Variants in PLEKHG1 observed in about 807,000 individuals in gnomAD.
PLEKHG1 encodes pleckstrin homology domain-containing family G member 1.
In PLEKHG1, 44 loss-of-function variants were observed where a neutral mutation model predicts 100.8. The ratio of observed to expected loss-of-function variants is 0.44; its 90% CI spans 0.34 to 0.56. PLEKHG1 has a LOEUF of 0.56. PLEKHG1 is among the 20% of genes least tolerant of loss of function. PLEKHG1 has a pLI of 0.01. For missense variants in PLEKHG1, 1,545 were observed against 1,720.9 expected, an observed-to-expected ratio of 0.90 and a Z score of 1.81; for synonymous variants, 640 against 662.5, an observed-to-expected ratio of 0.97 and a Z score of 0.52.
At position 150,698,337 on chromosome 6, in the gene PLEKHG1, G is replaced by T. The variant is rs111818611; in HGVS notation, c.-98-35247G>T. Among the ~76,000 whole-genome samples the T allele has an allele frequency of 1.0e-3, 158 of 152,216 alleles. 2 individuals are homozygous for T. Among genetic ancestry groups the T allele is most frequent in the African/African-American group, 3.5e-3 (144 of 41,530 alleles). On this transcript the variant is annotated intron_variant, in intron 3 of 3. Coordinates refer to the PLEKHG1 transcript ENST00000367326. ...TGGATTTTGGAGCATTTTGGATTTT[G>T]GACTTTTGGATTAGGGACGCTCAAG...
chr6:150,804,596 CT>C lies in PLEKHG1; in HGVS notation c.781-8del. On this transcript the variant is annotated splice_polypyrimidine_tract_variant and intron_variant, in intron 6 of 15. Coordinates refer to ENST00000358517, the Ensembl canonical transcript of PLEKHG1. ...AATGAAAAAAAAAAAAACCCTCGTT[CT>C]TTTTTGTTTAAGGAAATAGAAAACC... 6.7e-7 allele frequency: 1 copy of C among 1,494,678 alleles called. No individual in the cohort carries two copies. The highest frequency in any genetic ancestry group is 9.0e-7 in the Non-Finnish European group (1 of 1,110,094). The allele number at this position is 1,494,678 out of a possible 1,614,324, so 92.6% of individuals were successfully genotyped here.
chr6:150,829,768 A>C (rs1776807246), intron 14 of PLEKHG1, among the ~76,000 whole-genome samples: 1 of 152,228 alleles, frequency 6.6e-6, no homozygotes, highest in Non-Finnish European at 1.5e-5. Flanking sequence ...TCCTACAATA[A>C]AAACTCTTTG....
chr6:150,689,678 C>T (rs532396235), intron 3 of PLEKHG1, among the ~76,000 whole-genome samples: 1 of 152,002 alleles, frequency 6.6e-6, no homozygotes, highest in Admixed American at 6.6e-5. Flanking sequence ...GCCTGACCAA[C>T]ATGGTGGTCT....
intron 2 of PLEKHG1, among the ~76,000 whole-genome samples, chr6:150,749,658 G>A (rs150325977): frequency 6.6e-6 from 1 of 152,292 alleles, no homozygotes; most frequent in African/African-American, 2.4e-5. Flanking sequence ...AGTAGGAGCT[G>A]GCTCTGAAGT....
intron 12 of PLEKHG1, 41 bp downstream of exon 13, chr6:150,819,815 G>A (rs1776195842): frequency 4.5e-6 from 5 of 1,103,250 alleles, no homozygotes; most frequent in Middle Eastern, 2.0e-4. Flanking sequence ...TCTAATGGGG[G>A]ACTGGCAATG....
chr6:150,801,804 G>A (rs924214036), intron 6 of PLEKHG1, among the ~76,000 whole-genome samples: 3 of 151,964 alleles, frequency 2.0e-5, no homozygotes, highest in Non-Finnish European at 4.4e-5. Flanking sequence ...ATTACCGCAA[G>A]TAATTTTCAT....
chr6:150,739,197 C>T (rs969362743), intron 2 of PLEKHG1, among the ~76,000 whole-genome samples: 1 of 152,116 alleles, frequency 6.6e-6, no homozygotes, highest in African/African-American at 2.4e-5. Flanking sequence ...TACAGAATGG[C>T]ATCGTTGAGC....
chr6:150,722,133 G>A (rs369517684), intron 1 of PLEKHG1, among the ~76,000 whole-genome samples: 12 of 151,874 alleles, frequency 7.9e-5, no homozygotes, highest in Non-Finnish European at 1.3e-4. Flanking sequence ...TAAAGAAGCC[G>A]CATTTTAAAT....
intron 1 of PLEKHG1, among the ~76,000 whole-genome samples, chr6:150,628,576 A>ACACACACAC (rs1317085737): frequency 1.9e-5 from 2 of 108,098 alleles, no homozygotes; most frequent in African/African-American, 3.4e-5. Flanking sequence ...ACACACACAC[A>ACACACACAC]CCCCGTCCTT....
chr6:150,648,852 T>A (rs1778601011), intron 2 of PLEKHG1, among the ~76,000 whole-genome samples: 1 of 152,214 alleles, frequency 6.6e-6, no homozygotes, highest in African/African-American at 2.4e-5. Context: ...AATGAAATGT[T>A]TGAATTTATT....
At chr6:150,842,589 C>T (rs1777572488) in exon 16 of PLEKHG1, 1 of 152,088 alleles carries the variant, frequency 6.6e-6, no homozygotes, top group Non-Finnish European at 1.5e-5. Context: ...AAAGAAAGTC[C>T]ACATTGAATA....
intron 3 of PLEKHG1, among the ~76,000 whole-genome samples, chr6:150,665,770 C>T (rs1050264434): frequency 2.0e-5 from 3 of 151,618 alleles, no homozygotes; most frequent in Non-Finnish European, 2.9e-5. Context: ...ACTATAGAAT[C>T]AGTGGTAAAA....
intron 13 of PLEKHG1, 23 bp from the exon 15 acceptor site, chr6:150,823,631 G>C: frequency 6.4e-7 from 1 of 1,565,274 alleles, no homozygotes; most frequent in Admixed American, 1.7e-5. Context: ...TCTCAAACTT[G>C]AAAAAAAACT....
intron 2 of PLEKHG1, among the ~76,000 whole-genome samples, chr6:150,748,397 A>G (rs1783282772): frequency 6.8e-6 from 1 of 146,510 alleles, no homozygotes; most frequent in Non-Finnish European, 1.5e-5. Flanking sequence ...ATTCTGAAAG[A>G]GTAAGGAGTG....
chr6:150,699,135 G>A (rs926427939), intron 3 of PLEKHG1, among the ~76,000 whole-genome samples: 1 of 152,196 alleles, frequency 6.6e-6, no homozygotes, highest in Non-Finnish European at 1.5e-5. Flanking sequence ...TATACTACAG[G>A]TATGCAAGAT....
rs775538896 is a variant in PLEKHG1, at chr6:150,840,834, C to T, written c.4096C>T (p.Gln1366Ter). 2 of 1,614,112 alleles carry T rather than the reference C, an allele frequency of 1.2e-6. No homozygotes were observed. The highest frequency in any genetic ancestry group is 1.7e-6 in the Non-Finnish European group (2 of 1,180,002). ...TTGGAGGGGGCCATCTCCCAATCAA[C>T]AAAATATTGTCCAGTCTCTAAGGGA... The change falls in exon 16 of 16, where the codon CAA becomes TAA. Residue 1366 changes from glutamine to a stop codon, truncating the protein, a stop_gained. Transcript: ENST00000358517. LOFTEE classifies it high-confidence loss of function.
chr6:150,729,001 G>A (rs1253886868), intron 1 of PLEKHG1, among the ~76,000 whole-genome samples: 1 of 152,214 alleles, frequency 6.6e-6, no homozygotes, highest in Non-Finnish European at 1.5e-5. Context: ...AATTATTAAT[G>A]AGGTATTTTA....
chr6:150,752,229 A>T (rs943007952), intron 2 of PLEKHG1, among the ~76,000 whole-genome samples: 1 of 152,216 alleles, frequency 6.6e-6, no homozygotes, highest in African/African-American at 2.4e-5. Context: ...GCTGGCCTTC[A>T]TAAAACAGTA....
chr6:150,782,480 G>A (rs1785366682), intron 3 of PLEKHG1, among the ~76,000 whole-genome samples: 2 of 152,102 alleles, frequency 1.3e-5, no homozygotes, highest in African/African-American at 4.8e-5. Flanking sequence ...ATTACCACTT[G>A]CTGAGTTTCA....
Sources: allele counts gnomAD v4.1 joint callset (sites outside exome capture counted in the v4.1 genomes callset), GRCh38; gene constraint gnomAD v4.1.1; transcripts MANE v1.5; gene names NCBI Gene and HGNC (gene_info 2026-07-23, HGNC 2026-07-21).